Variants in SHQ1 observed in about 807,000 individuals in gnomAD.
SHQ1 encodes the protein SHQ1, H/ACA ribonucleoprotein assembly factor.
Under a neutral mutation model 53.8 loss-of-function variants are expected in SHQ1, and 49 were observed. That is an observed-to-expected ratio of 0.91 (90% CI 0.72 to 1.16). SHQ1 has a LOEUF of 1.16. Ranked by LOEUF, SHQ1 falls within the 50% of genes most tolerant of loss-of-function variation. The probability of loss-of-function intolerance (pLI) is 0.00; values close to 1 mark genes in which losing one functional copy is unlikely to be tolerated. For missense variants in SHQ1, 738 were observed against 683.1 expected, an observed-to-expected ratio of 1.08 and a Z score of -0.90; for synonymous variants, 243 against 251.0, an observed-to-expected ratio of 0.97 and a Z score of 0.30.
the SHQ1 span, among the ~76,000 whole-genome samples, chr3:72,737,467 T>TGAAA: frequency 1.3e-5 from 2 of 151,682 alleles, no homozygotes; most frequent in Non-Finnish European, 2.9e-5. Flanking sequence ...AGTAAGAGAA[T>TGAAA]GAAAGAAAGA....
rs144553601 is a variant in SHQ1 at position 72,830,342 on chromosome 3, AC to A, written c.599+2026del. ...ATGACTTGTAAAGACAAGTCAAACAACTTACAAATAGGTAATATTATGCTAA... is the reference window on the plus strand; with the variant it reads ...ATGACTTGTAAAGACAAGTCAAACAATTACAAATAGGTAATATTATGCTAA... On this transcript the variant is annotated intron_variant, in intron 5 of 10. Coordinates refer to ENST00000325599, the MANE Select transcript of SHQ1 (RefSeq NM_018130.3). Among the ~76,000 whole-genome samples, 292 of 152,156 alleles carry A rather than the reference AC, an allele frequency of 1.9e-3. 2 individuals are homozygous for A. Among genetic ancestry groups the A allele is most frequent in the African/African-American group, 6.6e-3 (275 of 41,534 alleles).
At chr3:72,761,584 T>C (rs1316885078) in intron 10 of SHQ1, among the ~76,000 whole-genome samples, 4 of 152,228 alleles carry the variant, frequency 2.6e-5, no homozygotes, top group Admixed American at 6.5e-5. Context: ...CAAAGGTTCC[T>C]TGACAGTATC....
intron 3 of SHQ1, among the ~76,000 whole-genome samples, chr3:72,841,606 T>C (rs184835349): frequency 3.5e-4 from 54 of 152,332 alleles, no homozygotes; most frequent in Admixed American, 2.7e-3. Context: ...CTTCGGGTGT[T>C]GGAAATGCTC....
the SHQ1 span, among the ~76,000 whole-genome samples, chr3:72,726,588 G>A: frequency 1.3e-5 from 2 of 152,264 alleles, no homozygotes; most frequent in East Asian, 3.9e-4. Context: ...CTGACCTCAG[G>A]TGATCTGCCC....
At chr3:72,742,988 C>T in the SHQ1 span, among the ~76,000 whole-genome samples, 3,024 of 152,230 alleles carry the variant, frequency 0.02, 54 homozygotes, top group Non-Finnish European at 0.033. Flanking sequence ...AATCTTTATT[C>T]TAAATACTAT....
At chr3:72,758,437 C>A (rs914275314) in intron 10 of SHQ1, among the ~76,000 whole-genome samples, 3 of 152,094 alleles carry the variant, frequency 2.0e-5, no homozygotes, top group Admixed American at 6.6e-5. Flanking sequence ...GTCCATGGAT[C>A]AGCAGAATCA....
Position 72,810,880 on chromosome 3 carries a change from A to C in SHQ1, c.1060+1791T>G, listed in dbSNP as rs1707099237. On this transcript the variant is annotated intron_variant, in intron 9 of 10. Transcript: ENST00000325599. ...TCACAGAACACACTGTACATGGTAC[A>C]TAGAGGGTTCAGGTTCATTTTTAGC... Among the ~76,000 whole-genome samples the C allele has an allele frequency of 2.6e-5, 4 of 152,234 alleles. No homozygotes were observed. The South Asian group carries it at 8.3e-4, about 31-fold the overall frequency.
intron 10 of SHQ1, among the ~76,000 whole-genome samples, chr3:72,787,499 T>C (rs1161103633): frequency 2.6e-5 from 4 of 152,210 alleles, no homozygotes; most frequent in Non-Finnish European, 4.4e-5. Flanking sequence ...ATTAAAACCA[T>C]ACAGTTTTAA....
intron 6 of SHQ1, among the ~76,000 whole-genome samples, chr3:72,823,715 G>A (rs1559690591): frequency 1.3e-5 from 2 of 152,118 alleles, no homozygotes; most frequent in Non-Finnish European, 2.9e-5. Context: ...GTTTAGATGT[G>A]GGAATATATA....
chr3:72,815,989 G>A (rs1273508566), intron 7 of SHQ1, among the ~76,000 whole-genome samples: 2 of 151,914 alleles, frequency 1.3e-5, no homozygotes, highest in East Asian at 3.8e-4. Context: ...AGCATTTTTT[G>A]GTCAAAGAAA....
intron 10 of SHQ1, among the ~76,000 whole-genome samples, chr3:72,754,841 A>G (rs894916436): frequency 2.0e-5 from 3 of 152,252 alleles, no homozygotes; most frequent in Non-Finnish European, 4.4e-5. Context: ...AAGTATACAT[A>G]TAAGCATCAT....
At chr3:72,845,329 C>T (rs1037246260) in intron 1 of SHQ1, among the ~76,000 whole-genome samples, 5 of 151,808 alleles carry the variant, frequency 3.3e-5, no homozygotes, top group Non-Finnish European at 7.4e-5. Flanking sequence ...ACTAAAAATA[C>T]AAAATTAGCC....
chr3:72,837,547 G>A (rs1708038044), intron 4 of SHQ1, among the ~76,000 whole-genome samples: 1 of 152,186 alleles, frequency 6.6e-6, no homozygotes, highest in Non-Finnish European at 1.5e-5. Context: ...GGAAAAAGCT[G>A]TAAAAATACT....
chr3:72,823,054 T>C lies in SHQ1; in HGVS notation c.727+1370A>G, dbSNP rs6785064. Among the ~76,000 whole-genome samples the C allele has an allele frequency of 8.9e-3, 1,311 of 147,810 alleles. 31 individuals are homozygous for C. The highest frequency in any genetic ancestry group is 0.031 in the African/African-American group (1,253 of 39,844). ...GTCCCAGCTACTTGGGAGGCTGAGGTAGGAGAATGGCGTGAAACCGGGAGG... is the reference window on the plus strand; with the variant it reads ...GTCCCAGCTACTTGGGAGGCTGAGGCAGGAGAATGGCGTGAAACCGGGAGG... On this transcript the variant is annotated intron_variant, in intron 6 of 10. Transcript: ENST00000325599.
chr3:72,746,405 A>G (rs1366909374), downstream of SHQ1, among the ~76,000 whole-genome samples: 1 of 152,202 alleles, frequency 6.6e-6, no homozygotes, highest in Admixed American at 6.5e-5. Flanking sequence ...CTAGTTTAAA[A>G]AAATAAATGA....
At chr3:72,831,820 A>G (rs1294977805) in intron 5 of SHQ1, among the ~76,000 whole-genome samples, 1 of 152,226 alleles carries the variant, frequency 6.6e-6, no homozygotes, top group South Asian at 2.1e-4. Flanking sequence ...CAAAAACACA[A>G]TTAATGCCAG....
the SHQ1 span, among the ~76,000 whole-genome samples, chr3:72,736,085 A>T: frequency 6.6e-6 from 1 of 151,976 alleles, no homozygotes; most frequent in African/African-American, 2.4e-5. Context: ...GAGGACTTTG[A>T]TTGACTAGGC....
At chr3:72,833,451 TAGA>T (rs1217420512) in intron 4 of SHQ1, among the ~76,000 whole-genome samples, 4 of 45,936 alleles carry the variant, frequency 8.7e-5, no homozygotes, top group African/African-American at 5.8e-4. Flanking sequence ...AGATGATAGA[TAGA>T]TAGATAGATA....
the SHQ1 span, among the ~76,000 whole-genome samples, chr3:72,741,971 A>G: frequency 1.2e-4 from 19 of 152,196 alleles, no homozygotes; most frequent in Non-Finnish European, 2.5e-4. Flanking sequence ...GCCATTTTAT[A>G]TAAGGGACTT....
Sources: gnomAD v4.1 joint callset for allele counts (sites outside exome capture counted in the v4.1 genomes callset) on GRCh38, gnomAD v4.1.1 for gene constraint, MANE v1.5 for transcripts, NCBI Gene and HGNC (gene_info 2026-07-23, HGNC 2026-07-21) for gene names.